Variants in PDGFC observed in about 807,000 individuals in gnomAD.
PDGFC encodes the protein platelet-derived growth factor C.
A neutral mutation model predicts 35.5 loss-of-function variants in PDGFC; 12 were observed. The ratio of observed to expected loss-of-function variants is 0.34; its 90% CI spans 0.22 to 0.55. The LOEUF (loss-of-function observed/expected upper bound fraction) is 0.55, where lower values mean the gene tolerates loss of function less well. Ranked by LOEUF, PDGFC falls within the 20% of genes least tolerant of loss-of-function variation. PDGFC has a pLI of 0.91. For missense variants in PDGFC, 322 were observed against 412.4 expected (o/e 0.78, Z 1.90); for synonymous variants, 159 against 148.8 (o/e 1.07, Z -0.50).
At chr4:156,878,697 A>G (rs924838766) in intron 1 of PDGFC, among the ~76,000 whole-genome samples, 2 of 152,198 alleles carry the variant, frequency 1.3e-5, no homozygotes, top group African/African-American at 4.8e-5. Flanking sequence ...GACACTCAAA[A>G]AGTTTCAGAT....
At chr4:156,885,285 CATT>C (rs1730349579) in intron 1 of PDGFC, among the ~76,000 whole-genome samples, 1 of 152,066 alleles carries the variant, frequency 6.6e-6, no homozygotes, top group African/African-American at 2.4e-5. Flanking sequence ...TTGTCTCTTC[CATT>C]TTACTAAGAT....
chr4:156,785,907 C>G (rs1731110764), intron 3 of PDGFC, among the ~76,000 whole-genome samples: 1 of 152,166 alleles, frequency 6.6e-6, no homozygotes, highest in Admixed American at 6.5e-5. Flanking sequence ...TTCCTACATT[C>G]TTTTCTTTGC....
chr4:156,807,815 T>C (rs1259337820), intron 3 of PDGFC, among the ~76,000 whole-genome samples: 2 of 152,052 alleles, frequency 1.3e-5, no homozygotes, highest in Non-Finnish European at 2.9e-5. Flanking sequence ...TAGAAAAAAA[T>C]GTGATTAAAC....
intron 3 of PDGFC, among the ~76,000 whole-genome samples, chr4:156,790,716 T>C (rs1579010524): frequency 1.3e-5 from 2 of 152,200 alleles, no homozygotes; most frequent in South Asian, 2.1e-4. Context: ...CAATTATTTA[T>C]TGAGATTTTT....
intron 1 of PDGFC, among the ~76,000 whole-genome samples, chr4:156,941,741 T>G (rs1352159244): frequency 6.6e-6 from 1 of 152,058 alleles, no homozygotes; most frequent in African/African-American, 2.4e-5. Context: ...AAGACAAAAT[T>G]TGAAGTTACT....
At chr4:156,801,586 T>A (rs1473790887) in intron 3 of PDGFC, among the ~76,000 whole-genome samples, 1 of 152,190 alleles carries the variant, frequency 6.6e-6, no homozygotes, top group African/African-American at 2.4e-5. Flanking sequence ...GGAAGCCATT[T>A]ATAGAGCATG....
At chr4:156,780,107 G>GTT (rs35403686) in intron 3 of PDGFC, among the ~76,000 whole-genome samples, 8,083 of 124,920 alleles carry the variant, frequency 0.065, 422 homozygotes, top group South Asian at 0.25. Context: ...CAAAATTAAG[G>GTT]TTTTTTTTTT....
chr4:156,815,272 A>G (rs977414810), intron 2 of PDGFC, among the ~76,000 whole-genome samples: 3 of 151,782 alleles, frequency 2.0e-5, no homozygotes, highest in African/African-American at 7.3e-5. Context: ...GTCACACACA[A>G]TAACTATTAA....
chr4:156,932,029 T>C (rs1451697809), intron 1 of PDGFC, among the ~76,000 whole-genome samples: 3 of 152,080 alleles, frequency 2.0e-5, no homozygotes, highest in African/African-American at 4.8e-5. Flanking sequence ...TTTTAGAAAA[T>C]ATATAAACAA....
chr4:156,772,380 TA>T (rs1381574131), intron 4 of PDGFC, among the ~76,000 whole-genome samples: 2 of 152,158 alleles, frequency 1.3e-5, no homozygotes, highest in African/African-American at 4.8e-5. Context: ...TAGGTTTGAG[TA>T]AGCAGTGATT....
chr4:156,814,550 C>A (rs1041835416), intron 2 of PDGFC, among the ~76,000 whole-genome samples: 1 of 151,998 alleles, frequency 6.6e-6, no homozygotes, highest in African/African-American at 2.4e-5. Context: ...ACATTGTGTA[C>A]AAAATTTTCT....
chr4:156,821,675 G>A (rs1043135258), intron 2 of PDGFC, among the ~76,000 whole-genome samples: 15 of 152,112 alleles, frequency 9.9e-5, no homozygotes, highest in African/African-American at 2.4e-4. Context: ...AGCCTCTGGC[G>A]TAGCCGGGAT....
chr4:156,791,377 T>C (rs1347089295), intron 3 of PDGFC, among the ~76,000 whole-genome samples: 1 of 152,206 alleles, frequency 6.6e-6, no homozygotes, highest in Non-Finnish European at 1.5e-5. Flanking sequence ...GTGTATTTAT[T>C]ACTAACGTGG....
At chr4:156,772,984 G>A in intron 3 of PDGFC, 91 bp from the exon 4 acceptor site, 2 of 805,236 alleles carry the variant, frequency 2.5e-6, no homozygotes, top group Non-Finnish European at 2.1e-6. Flanking sequence ...GACTGAGGCT[G>A]GAAATATGTG....
intron 2 of PDGFC, among the ~76,000 whole-genome samples, chr4:156,825,119 T>A (rs1330921427): frequency 6.6e-6 from 1 of 152,160 alleles, no homozygotes; most frequent in Non-Finnish European, 1.5e-5. Context: ...CCATTTCCCC[T>A]TCTACTTTGA....
At chr4:156,919,093 A>G (rs1731215867) in intron 1 of PDGFC, among the ~76,000 whole-genome samples, 1 of 152,224 alleles carries the variant, frequency 6.6e-6, no homozygotes. Context: ...TACATATTCC[A>G]TCTGATATAA....
At chr4:156,873,199 T>A (rs1214144544) in intron 1 of PDGFC, among the ~76,000 whole-genome samples, 1 of 152,216 alleles carries the variant, frequency 6.6e-6, no homozygotes, top group South Asian at 2.1e-4. Context: ...ACACAAAAGA[T>A]ATATTATTTA....
intron 1 of PDGFC, among the ~76,000 whole-genome samples, chr4:156,882,786 T>C (rs973267145): frequency 1.3e-5 from 2 of 152,260 alleles, no homozygotes; most frequent in East Asian, 1.9e-4. Flanking sequence ...AAAATTTAAC[T>C]TAGAAAATGT....
intron 2 of PDGFC, among the ~76,000 whole-genome samples, chr4:156,830,041 T>C (rs1451232517): frequency 1.3e-5 from 2 of 152,302 alleles, no homozygotes; most frequent in Non-Finnish European, 2.9e-5. Context: ...AAAAGCTGTG[T>C]TAATTGTTAC....
Sources: allele counts gnomAD v4.1 joint callset (sites outside exome capture counted in the v4.1 genomes callset), GRCh38; gene constraint gnomAD v4.1.1; transcripts MANE v1.5; gene names NCBI Gene and HGNC (gene_info 2026-07-23, HGNC 2026-07-21).